SAMD12: variants seen among roughly 807,000 people sequenced by gnomAD.
SAMD12 encodes the protein sterile alpha motif domain containing 12.
SAMD12 carries 9 observed loss-of-function variants against 15.0 expected under a neutral mutation model. The observed-to-expected ratio is 0.60, with a 90% CI of 0.36 to 1.05. The LOEUF (loss-of-function observed/expected upper bound fraction) is 1.05, where lower values mean the gene tolerates loss of function less well. Among genes scored for constraint, SAMD12 ranks in the 50% least tolerant of loss-of-function variants. The probability of loss-of-function intolerance (pLI) is 0.01; values close to 1 mark genes in which losing one functional copy is unlikely to be tolerated. For synonymous variants in SAMD12, 86 were observed against 90.1 expected, an observed-to-expected ratio of 0.96 and a Z score of 0.25; for missense variants, 230 against 234.2, an observed-to-expected ratio of 0.98 and a Z score of 0.12.
chr8:118,352,865 T>C (rs924614345), intron 4 of SAMD12, among the ~76,000 whole-genome samples: 1 of 152,104 alleles, frequency 6.6e-6, no homozygotes, highest in South Asian at 2.1e-4. Context: ...AAATGACTGA[T>C]AAAAAGGAAC....
chr8:118,616,905 T>C (rs575105457), intron 1 of SAMD12, among the ~76,000 whole-genome samples: 1 of 152,286 alleles, frequency 6.6e-6, no homozygotes, highest in East Asian at 1.9e-4. Flanking sequence ...ATGTGAGAGA[T>C]CTAGGTTGCA....
Position 118,316,091 on chromosome 8 carries a change from C to T in SAMD12, c.433+63469G>A, listed in dbSNP as rs1418688174. ...AAAAATTCTAGAACTCTCTCACATG[C>T]TGTTCGAAGGAAAGTTTCCCTGAGA... On this transcript the variant is annotated intron_variant, in intron 4 of 4. Transcript: ENST00000409003. Among the ~76,000 whole-genome samples the T allele has an allele frequency of 2.6e-5, 4 of 152,114 alleles. No individual in the cohort carries two copies. In the East Asian group the frequency reaches 7.7e-4, roughly 29 times the overall value.
chr8:118,454,951 GA>G (rs1222382809), intron 2 of SAMD12, among the ~76,000 whole-genome samples: 1 of 152,128 alleles, frequency 6.6e-6, no homozygotes, highest in Non-Finnish European at 1.5e-5. Context: ...TTTATGTTGT[GA>G]AAAGTGTCAC....
chr8:118,395,817 G>A (rs1199774452), intron 3 of SAMD12, among the ~76,000 whole-genome samples: 2 of 151,912 alleles, frequency 1.3e-5, no homozygotes, highest in Non-Finnish European at 2.9e-5. Flanking sequence ...AATTAGCCGG[G>A]CGTGGTGGCG....
chr8:118,290,068 A>G (rs1301699840), intron 4 of SAMD12, among the ~76,000 whole-genome samples: 3 of 152,240 alleles, frequency 2.0e-5, no homozygotes, highest in African/African-American at 7.2e-5. Flanking sequence ...GGAAGATTCA[A>G]TGACTTGTAA....
intron 2 of SAMD12, among the ~76,000 whole-genome samples, chr8:118,578,782 C>T (rs1250814089): frequency 6.6e-6 from 1 of 152,162 alleles, no homozygotes; most frequent in Non-Finnish European, 1.5e-5. Context: ...TGGACAAATT[C>T]TTTGTCTAAG....
At chr8:118,201,208 C>T (rs1307997714) in intron 4 of SAMD12, among the ~76,000 whole-genome samples, 2 of 152,186 alleles carry the variant, frequency 1.3e-5, no homozygotes, top group Non-Finnish European at 2.9e-5. Flanking sequence ...GCTCTTTGGG[C>T]TCCATCCCCT....
chr8:118,566,459 G>A lies in SAMD12; in HGVS notation c.192+14256C>T, dbSNP rs552279933. Among the ~76,000 whole-genome samples, 28 of 152,232 alleles carry A rather than the reference G, an allele frequency of 1.8e-4. No individual in the cohort carries two copies. The South Asian group carries it at 2.7e-3, about 15-fold the overall frequency. On this transcript the variant is annotated intron_variant, in intron 2 of 3. Transcript: ENST00000314727. Reference sequence around the variant, plus strand: ...GTTACCCAAATAGAACAGAAACCCCGTGAAGGTAGAACTCACTTCTGTCTT... The same window carrying A: ...GTTACCCAAATAGAACAGAAACCCCATGAAGGTAGAACTCACTTCTGTCTT...
intron 2 of SAMD12, among the ~76,000 whole-genome samples, chr8:118,554,380 G>T (rs1826453675): frequency 6.6e-6 from 1 of 152,050 alleles, no homozygotes; most frequent in South Asian, 2.1e-4. Context: ...CATGTCCTTT[G>T]TAGGGACATG....
At chr8:118,393,337 G>A (rs142143295) in intron 3 of SAMD12, among the ~76,000 whole-genome samples, 61 of 152,160 alleles carry the variant, frequency 4.0e-4, no homozygotes, top group African/African-American at 1.3e-3. Flanking sequence ...AACTATAGGT[G>A]CACACCACCA....
Position 118,403,359 on chromosome 8 carries a change from G to C in SAMD12, c.323-23659C>G, listed in dbSNP as rs529916689. 1.1e-4 allele frequency among the ~76,000 whole-genome samples: 17 copies of C among 151,768 alleles called. No homozygotes were observed. The South Asian group carries it at 3.5e-3, about 31-fold the overall frequency. On this transcript the variant is annotated intron_variant, in intron 3 of 3. Transcript: ENST00000314727. Reference sequence around the variant, plus strand: ...TATGTACAGTCTGTGTGTGTGTGGTGTATTTTTTTTTTAATAAGAGGCAGT... The same window carrying C: ...TATGTACAGTCTGTGTGTGTGTGGTCTATTTTTTTTTTAATAAGAGGCAGT...
chr8:118,280,926 C>T (rs144102508), intron 4 of SAMD12, among the ~76,000 whole-genome samples: 16 of 152,242 alleles, frequency 1.1e-4, no homozygotes, highest in African/African-American at 2.2e-4. Flanking sequence ...CGTCCTCAAG[C>T]GGAAATGGCA....
intron 4 of SAMD12, among the ~76,000 whole-genome samples, chr8:118,273,289 C>T (rs1372422266): frequency 1.3e-5 from 2 of 152,142 alleles, no homozygotes; most frequent in Non-Finnish European, 2.9e-5. Flanking sequence ...AACTCAGTCA[C>T]TATTACGAGA....
chr8:118,554,833 TAGAAATCCTGCCTGAGTTTCC>T (rs1250360375), intron 2 of SAMD12, among the ~76,000 whole-genome samples: 1 of 152,176 alleles, frequency 6.6e-6, no homozygotes, highest in Non-Finnish European at 1.5e-5. Context: ...GACTGCAACA[TAGAAATCCTGCCTGAGTTTCC>T]AGACAGCATG....
intron 2 of SAMD12, among the ~76,000 whole-genome samples, chr8:118,497,535 A>G (rs1024121765): frequency 6.6e-6 from 1 of 152,104 alleles, no homozygotes; most frequent in African/African-American, 2.4e-5. Context: ...ATGGATACAA[A>G]GATTGGAATA....
intron 3 of SAMD12, among the ~76,000 whole-genome samples, chr8:118,425,184 C>T (rs926920857): frequency 2.0e-5 from 3 of 152,060 alleles, no homozygotes; most frequent in Non-Finnish European, 4.4e-5. Context: ...GTGATCTGCC[C>T]GCCTTGGCCT....
chr8:118,382,494 C>T (rs1317799971), intron 3 of SAMD12, among the ~76,000 whole-genome samples: 2 of 152,198 alleles, frequency 1.3e-5, no homozygotes, highest in East Asian at 1.9e-4. Flanking sequence ...CATAGCCCTA[C>T]TAGAATGTTA....
chr8:118,449,047 A>G (rs535704107), intron 2 of SAMD12, among the ~76,000 whole-genome samples: 33 of 148,392 alleles, frequency 2.2e-4, no homozygotes, highest in African/African-American at 8.2e-4. Context: ...GGGCAGCAGC[A>G]TGGACACAGG....
intron 4 of SAMD12, among the ~76,000 whole-genome samples, chr8:118,301,269 A>G (rs532164865): frequency 2.5e-4 from 38 of 152,364 alleles, no homozygotes; most frequent in African/African-American, 8.2e-4. Flanking sequence ...AACATGCAAC[A>G]TATGTTATTA....
Sources: allele counts gnomAD v4.1 joint callset (sites outside exome capture counted in the v4.1 genomes callset), GRCh38; gene constraint gnomAD v4.1.1; transcripts MANE v1.5; gene names NCBI Gene and HGNC (gene_info 2026-07-23, HGNC 2026-07-21).